Variants in CNTN5 observed in about 807,000 individuals in gnomAD.
CNTN5 encodes contactin-5.
CNTN5 carries 77 observed loss-of-function variants against 129.1 expected under a neutral mutation model. The observed-to-expected ratio is 0.60, with a 90% confidence interval of 0.50 to 0.72. CNTN5 has a LOEUF of 0.72. Ranked by LOEUF, CNTN5 falls within the 30% of genes least tolerant of loss-of-function variation. CNTN5 has a pLI of 0.00. For synonymous variants in CNTN5, 509 were observed against 465.6 expected, an observed-to-expected ratio of 1.09 and a Z score of -1.20; for missense variants, 1,478 against 1,328.8, an observed-to-expected ratio of 1.11 and a Z score of -1.75.
At chr11:99,237,027 G>C (rs933408559) in intron 1 of CNTN5, among the ~76,000 whole-genome samples, 1 of 149,630 alleles carries the variant, frequency 6.7e-6, no homozygotes, top group African/African-American at 2.5e-5. Context: ...ATTTCTACTT[G>C]GTTATTAGTG....
At chr11:99,771,841 T>G (rs1408659917) in intron 3 of CNTN5, among the ~76,000 whole-genome samples, 4 of 151,954 alleles carry the variant, frequency 2.6e-5, no homozygotes, top group African/African-American at 9.7e-5. Flanking sequence ...TAGATATACA[T>G]TGAGTAGCTT....
intron 1 of CNTN5, among the ~76,000 whole-genome samples, chr11:99,160,486 T>C (rs538382857): frequency 7.0e-4 from 106 of 152,326 alleles, no homozygotes; most frequent in East Asian, 7.7e-4. Flanking sequence ...CTCCAATTTT[T>C]ACACTGTACC....
intron 3 of CNTN5, among the ~76,000 whole-genome samples, chr11:99,710,759 A>G (rs1405842189): frequency 2.0e-5 from 3 of 151,872 alleles, no homozygotes; most frequent in African/African-American, 7.2e-5. Flanking sequence ...TATTCTGCAC[A>G]TTTGAAAGGG....
At chr11:100,050,327 G>A (rs913875265) in intron 9 of CNTN5, among the ~76,000 whole-genome samples, 5 of 152,114 alleles carry the variant, frequency 3.3e-5, no homozygotes, top group Non-Finnish European at 7.3e-5. Flanking sequence ...CCTTTGTAGG[G>A]ACATGGATGA....
At chr11:99,178,586 G>A (rs1857895870) in intron 1 of CNTN5, among the ~76,000 whole-genome samples, 1 of 151,732 alleles carries the variant, frequency 6.6e-6, no homozygotes, top group Non-Finnish European at 1.5e-5. Context: ...AATGCAAATG[G>A]TGTTTATATC....
intron 9 of CNTN5, among the ~76,000 whole-genome samples, chr11:100,048,085 C>T (rs1306893579): frequency 2.6e-5 from 4 of 152,138 alleles, no homozygotes; most frequent in Middle Eastern, 3.4e-3. Flanking sequence ...GAGTCGAGAT[C>T]GCGCCACTGT....
chr11:100,244,194 C>G (rs895594178), intron 16 of CNTN5, among the ~76,000 whole-genome samples: 3 of 152,160 alleles, frequency 2.0e-5, no homozygotes, highest in African/African-American at 7.2e-5. Context: ...AAACTTAAGC[C>G]ATCAGCTTCT....
chr11:99,276,860 T>A (rs1863460431), intron 1 of CNTN5, among the ~76,000 whole-genome samples: 1 of 151,610 alleles, frequency 6.6e-6, no homozygotes, highest in Non-Finnish European at 1.5e-5. Flanking sequence ...GTATTTCTAA[T>A]TTTCTCCTAT....
At chr11:99,717,176 GC>G (rs2134999359) in intron 3 of CNTN5, among the ~76,000 whole-genome samples, 1 of 152,102 alleles carries the variant, frequency 6.6e-6, no homozygotes, top group South Asian at 2.1e-4. Context: ...AATAATGCTT[GC>G]AAACCTGTAG....
intron 13 of CNTN5, among the ~76,000 whole-genome samples, chr11:100,087,652 C>A (rs1944606176): frequency 6.6e-6 from 1 of 151,876 alleles, no homozygotes; most frequent in South Asian, 2.1e-4. Context: ...TCTAGACCTG[C>A]AAAAAGACTT....
intron 2 of CNTN5, among the ~76,000 whole-genome samples, chr11:99,511,610 G>A (rs1201913292): frequency 6.6e-6 from 1 of 151,796 alleles, no homozygotes; most frequent in Admixed American, 6.6e-5. Context: ...TTAACTTTCT[G>A]TCTCGTTGAT....
chr11:99,798,930 A>C (rs181119582), intron 3 of CNTN5, among the ~76,000 whole-genome samples: 2 of 152,186 alleles, frequency 1.3e-5, no homozygotes, highest in African/African-American at 4.8e-5. Context: ...TGTGTCATCT[A>C]TGATTTCTCT....
chr11:99,557,274 T>A (rs933363694), intron 3 of CNTN5, among the ~76,000 whole-genome samples: 13 of 151,252 alleles, frequency 8.6e-5, no homozygotes, highest in South Asian at 4.2e-4. Context: ...TACATATATA[T>A]GAGGATAACA....
In CNTN5 at chr11:99,494,789, A is replaced by G. The variant is rs187409950; in HGVS notation, c.-70-61356A>G. 2.7e-3 allele frequency among the ~76,000 whole-genome samples: 415 copies of G among 152,276 alleles called. 2 individuals are homozygous for G. The highest frequency in any genetic ancestry group is 9.5e-3 in the African/African-American group (396 of 41,550). ...GTGTCGTTTGATTTTCCAGTGCTGT[A>G]TAATTATTGTTTCTTCCCAGGATAT... is the stretch of plus-strand genomic sequence containing the variant. On this transcript the variant is annotated intron_variant, in intron 2 of 24. Transcript: ENST00000524871.
intron 1 of CNTN5, among the ~76,000 whole-genome samples, chr11:99,144,827 A>G (rs1162296072): frequency 1.3e-5 from 2 of 151,918 alleles, no homozygotes; most frequent in African/African-American, 2.4e-5. Flanking sequence ...ATTTCTTTTT[A>G]TCGCCTGTCT....
intron 1 of CNTN5, among the ~76,000 whole-genome samples, chr11:99,148,681 GT>G: frequency 6.6e-6 from 1 of 152,088 alleles, no homozygotes; most frequent in South Asian, 2.1e-4. Flanking sequence ...AATTAATTAT[GT>G]TGTGGGTTGC....
intron 1 of CNTN5, among the ~76,000 whole-genome samples, chr11:99,204,257 A>C (rs79226118): frequency 0.014 from 2,179 of 152,342 alleles, 44 homozygotes; most frequent in African/African-American, 0.048. Flanking sequence ...TTTCTAAAGC[A>C]GTGTTTTTAA....
At chr11:99,652,779 TAAAC>T (rs956721252) in intron 3 of CNTN5, among the ~76,000 whole-genome samples, 1 of 152,080 alleles carries the variant, frequency 6.6e-6, no homozygotes, top group East Asian at 1.9e-4. Flanking sequence ...TGTGTGTTAT[TAAAC>T]AACTCACTGA....
chr11:99,972,828 T>C (rs2137313397), intron 8 of CNTN5, among the ~76,000 whole-genome samples: 1 of 152,246 alleles, frequency 6.6e-6, no homozygotes, highest in East Asian at 1.9e-4. Context: ...TGTATACAAA[T>C]TATCCTCACC....
Sources: allele counts gnomAD v4.1 joint callset (sites outside exome capture counted in the v4.1 genomes callset), GRCh38; gene constraint gnomAD v4.1.1; transcripts MANE v1.5; gene names NCBI Gene and HGNC (gene_info 2026-07-23, HGNC 2026-07-21).